The following CYTH1 variants were observed in gnomAD, a reference collection of about 807,000 sequenced individuals.
CYTH1 encodes the protein cytohesin 1.
A neutral mutation model predicts 61.8 loss-of-function variants in CYTH1; 18 were observed. The observed-to-expected ratio is 0.29, with a 90% confidence interval of 0.20 to 0.43. CYTH1 has a LOEUF of 0.43. CYTH1 is among the 20% of genes least tolerant of loss of function. The probability of loss-of-function intolerance (pLI) is 1.00; values close to 1 mark genes in which losing one functional copy is unlikely to be tolerated. For synonymous variants in CYTH1, 174 were observed against 184.3 expected, an observed-to-expected ratio of 0.94 and a Z score of 0.45; for missense variants, 336 against 510.5, an observed-to-expected ratio of 0.66 and a Z score of 3.29.
At chr17:78,721,253 T>G (rs2093226075) in intron 1 of CYTH1, among the ~76,000 whole-genome samples, 1 of 151,830 alleles carries the variant, frequency 6.6e-6, no homozygotes. Flanking sequence ...TCGCTTGAAT[T>G]TGGGAGACAG....
Position 78,702,224 on chromosome 17 carries a change from A to G in CYTH1, c.254T>C (p.Ile85Thr). The G allele has an allele frequency of 6.2e-7, 1 of 1,613,984 alleles. No homozygotes were observed. The highest frequency in any genetic ancestry group is 8.5e-7 in the Non-Finnish European group (1 of 1,179,918). Residue 85 changes from isoleucine to threonine, a missense_variant, in exon 5 of 14, where the codon ATA becomes ACA. Physicochemically the swap from Ile to Thr is moderately conservative, Grantham distance 89 (BLOSUM62 -1). Around this residue, in one of 4 missense-constraint regions of CYTH1, gnomAD observed 112 missense variants for 127.1 expected, o/e 0.88. Transcript: ENST00000446868. ...MDPKKGIQFL[I>T]ENDLLKNTCE... ...AGTGTTCTTCAGGAGGTCGTTCTCT[A>G]TTAAGAACTGGATCCCCTAGAAAAA... is the stretch of plus-strand genomic sequence containing the variant.
chr17:78,677,257 CT>C (rs1555599409), intron 13 of CYTH1: 1 of 370,206 alleles, frequency 2.7e-6, no homozygotes, highest in Non-Finnish European at 5.4e-6. Context: ...CCTTGGCTTC[CT>C]GGGTAGGCCA....
chr17:78,702,442 C>T (rs1488185560), intron 4 of CYTH1, 96 bp downstream of exon 4: 48 of 1,348,344 alleles, frequency 3.6e-5, no homozygotes, highest in Non-Finnish European at 4.9e-5. Flanking sequence ...GCAACATGAA[C>T]TGTAACGCTT....
intron 1 of CYTH1, among the ~76,000 whole-genome samples, chr17:78,744,945 A>G (rs2093354251): frequency 6.6e-6 from 1 of 152,188 alleles, no homozygotes; most frequent in Non-Finnish European, 1.5e-5. Flanking sequence ...AACTCTTGCA[A>G]GAAAAAAAAT....
intron 7 of CYTH1, 120 bp from the exon 8 acceptor site, chr17:78,699,088 C>T (rs2092979396): frequency 8.0e-7 from 1 of 1,250,258 alleles, no homozygotes; most frequent in Admixed American, 2.1e-5. Context: ...TGTTCTCGGC[C>T]AGATGCAGTG....
intron 3 of CYTH1, among the ~76,000 whole-genome samples, chr17:78,703,411 CAAAAAAA>C (rs67437891): frequency 5.7e-5 from 4 of 69,690 alleles, no homozygotes; most frequent in Non-Finnish European, 1.0e-4. Flanking sequence ...ACTCCGTCTC[CAAAAAAA>C]AAAAAAAAAA....
At chr17:78,737,558 T>A (rs760196830) in intron 1 of CYTH1, among the ~76,000 whole-genome samples, 1 of 150,006 alleles carries the variant, frequency 6.7e-6, no homozygotes, top group East Asian at 2.0e-4. Flanking sequence ...CATTACAGCA[T>A]GTTATGAGGT....
At chr17:78,781,704 G>C (rs995951156) in intron 1 of CYTH1, among the ~76,000 whole-genome samples, 3 of 152,100 alleles carry the variant, frequency 2.0e-5, no homozygotes, top group African/African-American at 7.2e-5. Flanking sequence ...GAAACTGCGG[G>C]GAACGCGGGC....
Position 78,698,829 on chromosome 17 carries a change from C to G in CYTH1, c.690G>C (p.Glu230Asp), listed in dbSNP as rs750164978. The G allele has an allele frequency of 1.3e-6, 2 of 1,579,188 alleles. No homozygotes were observed. Among genetic ancestry groups the G allele is most frequent in the Admixed American group, 2.0e-5 (1 of 49,374 alleles). Residue 230 changes from glutamate (E) to aspartate (D), a missense_variant, in exon 8 of 14, where the codon GAG becomes GAC. By Grantham distance (45) the Glu-to-Asp change is conservative. Coordinates refer to ENST00000446868, the MANE Select transcript of CYTH1 (RefSeq NM_004762.6). ...GINDGGDLPE[E>D]LLRNLYESIK... ...ATTCTTCCTTGCTTACCCGGAGGAG[C>G]TCCTCCGGCAGGTCTCCCCCATCAT...
intron 1 of CYTH1, among the ~76,000 whole-genome samples, chr17:78,764,354 G>A (rs554038883): frequency 1.1e-4 from 16 of 151,462 alleles, no homozygotes; most frequent in African/African-American, 3.4e-4. Flanking sequence ...ACCCCACCAC[G>A]CCCAGCTAAT....
At chr17:78,776,658 CAA>C (rs1179473215) in intron 1 of CYTH1, among the ~76,000 whole-genome samples, 152 of 88,316 alleles carry the variant, frequency 1.7e-3, no homozygotes, top group Admixed American at 5.6e-3. Context: ...GACTCTGTCT[CAA>C]AAAAAAAAAA....
rs113160127 is a variant in CYTH1, at chr17:78,707,802, T to A, written c.170+395A>T. Among the ~76,000 whole-genome samples the A allele has an allele frequency of 2.8e-3, 423 of 151,880 alleles. 1 individual carries two copies. Among genetic ancestry groups the A allele is most frequent in the African/African-American group, 9.1e-3 (375 of 41,414 alleles). ...TTCAAGCAATTCTCCTGCCTCAGCCTCCCGAGTAGCTGGGACTACAGGTGT... is the reference window on the plus strand; with the variant it reads ...TTCAAGCAATTCTCCTGCCTCAGCCACCCGAGTAGCTGGGACTACAGGTGT... On this transcript the variant is annotated intron_variant, in intron 3 of 13. Transcript: ENST00000446868.
At chr17:78,728,523 G>A (rs1347111162) in intron 1 of CYTH1, among the ~76,000 whole-genome samples, 1 of 151,784 alleles carries the variant, frequency 6.6e-6, no homozygotes, top group African/African-American at 2.4e-5. Context: ...ACTCCAGCCT[G>A]GGTAATGAGA....
At chr17:78,749,513 C>T (rs1409435478) in intron 1 of CYTH1, among the ~76,000 whole-genome samples, 1 of 151,934 alleles carries the variant, frequency 6.6e-6, no homozygotes, top group African/African-American at 2.4e-5. Context: ...TGCCTGTGGT[C>T]CCAGCTACTC....
chr17:78,696,020 G>C lies in CYTH1; in HGVS notation c.812-11C>G. On this transcript the variant is annotated splice_polypyrimidine_tract_variant and intron_variant, in intron 9 of 13. Coordinates refer to ENST00000446868, the MANE Select transcript of CYTH1 (RefSeq NM_004762.6). ...AGGGTTACATACCTCCTGGAGTTTG[G>C]GGCAAGGAAAAGGAGAGCCAAAATC... 5 of 1,367,786 alleles carry C rather than the reference G, an allele frequency of 3.7e-6. No individual in the cohort carries two copies. The highest frequency in any genetic ancestry group is 1.9e-5 in the Admixed American group (1 of 52,576). 84.7% of individuals were successfully genotyped at this position (1,367,786 alleles called of 1,614,324 possible). A position where few individuals can be genotyped will look rare whatever the true frequency, so the allele number is the denominator to read the frequency against.
rs139903330 is a variant in CYTH1, at chr17:78,761,766, T to A, written c.22+20436A>T. 2.3e-3 allele frequency among the ~76,000 whole-genome samples: 348 copies of A among 152,310 alleles called. 2 individuals are homozygous for A. Among genetic ancestry groups the A allele is most frequent in the African/African-American group, 8.0e-3 (334 of 41,568 alleles). On this transcript the variant is annotated intron_variant, in intron 1 of 13. Transcript: ENST00000446868. ...AACAAAAAAAAAAGAGTGTTATTTT[T>A]AAAAACTTTTTAAAGCTTAAATTCC...
chr17:78,709,964 G>A (rs1421265048), intron 1 of CYTH1, among the ~76,000 whole-genome samples: 1 of 152,236 alleles, frequency 6.6e-6, no homozygotes, highest in East Asian at 1.9e-4. Context: ...AAAAACGAGA[G>A]AGAAGAGATT....
chr17:78,778,483 C>T (rs1212770476), intron 1 of CYTH1, among the ~76,000 whole-genome samples: 1 of 150,734 alleles, frequency 6.6e-6, no homozygotes, highest in Non-Finnish European at 1.5e-5. Context: ...ACTAAAAACA[C>T]AAAAATCAGC....
At chr17:78,740,166 C>T (rs1336475400) in intron 1 of CYTH1, among the ~76,000 whole-genome samples, 2 of 152,132 alleles carry the variant, frequency 1.3e-5, no homozygotes, top group African/African-American at 4.8e-5. Flanking sequence ...GAACTCCTAA[C>T]CTCAAATGAT....
Sources: allele counts gnomAD v4.1 joint callset (sites outside exome capture counted in the v4.1 genomes callset), GRCh38; gene constraint gnomAD v4.1.1; regional missense constraint gnomAD v4.1.1; transcripts MANE v1.5; gene names NCBI Gene and HGNC (gene_info 2026-07-23, HGNC 2026-07-21).